The following RALYL variants were observed in gnomAD, a reference collection of about 807,000 sequenced individuals.
The protein encoded by RALYL is RNA-binding Raly-like protein.
Under a neutral mutation model 35.1 loss-of-function variants are expected in RALYL, and 29 were observed. The ratio of observed to expected loss-of-function variants is 0.83; its 90% CI spans 0.61 to 1.13. RALYL has a LOEUF of 1.13. Ranked by LOEUF, RALYL falls within the 50% of genes most tolerant of loss-of-function variation. The pLI is 0.00. For missense variants in RALYL, 359 were observed against 360.4 expected, an observed-to-expected ratio of 1.00 and a Z score of 0.03; for synonymous variants, 120 against 127.6, an observed-to-expected ratio of 0.94 and a Z score of 0.40.
At chr8:84,655,508 T>C (rs761110149) in intron 2 of RALYL, among the ~76,000 whole-genome samples, 1 of 152,108 alleles carries the variant, frequency 6.6e-6, no homozygotes, top group Non-Finnish European at 1.5e-5. Flanking sequence ...GTTGTATTTT[T>C]AGTAGAGACG....
At chr8:84,253,158 T>A (rs1443226446) in intron 1 of RALYL, among the ~76,000 whole-genome samples, 1 of 150,484 alleles carries the variant, frequency 6.6e-6, no homozygotes, top group African/African-American at 2.4e-5. Flanking sequence ...TGTGTATGTG[T>A]CTGTGTGTAG....
intron 2 of RALYL, among the ~76,000 whole-genome samples, chr8:84,744,115 AT>A (rs1336247285): frequency 6.6e-6 from 1 of 152,062 alleles, no homozygotes; most frequent in Non-Finnish European, 1.5e-5. Flanking sequence ...TTTGGCAACA[AT>A]TTTTAAAAAA....
intron 2 of RALYL, among the ~76,000 whole-genome samples, chr8:84,596,729 C>G (rs900759700): frequency 6.6e-6 from 1 of 152,072 alleles, no homozygotes; most frequent in Non-Finnish European, 1.5e-5. Flanking sequence ...TCTCAACTCT[C>G]CTGGATAATT....
chr8:84,410,809 T>G (rs1226244393), intron 1 of RALYL, among the ~76,000 whole-genome samples: 1 of 151,684 alleles, frequency 6.6e-6, no homozygotes, highest in Non-Finnish European at 1.5e-5. Context: ...TTACCCCAAA[T>G]TTAAGTTGGA....
intron 1 of RALYL, among the ~76,000 whole-genome samples, chr8:84,371,761 CT>C (rs1855773196): frequency 6.6e-6 from 1 of 151,918 alleles, no homozygotes; most frequent in Admixed American, 6.6e-5. Flanking sequence ...AAGATAAATC[CT>C]TTGAAGATAA....
At chr8:84,514,615 G>C (rs1318776047) in intron 1 of RALYL, among the ~76,000 whole-genome samples, 2 of 152,106 alleles carry the variant, frequency 1.3e-5, no homozygotes. Flanking sequence ...CCATTCATGA[G>C]AGCTCTGCCT....
At chr8:84,878,288 A>C (rs1841546463) in intron 7 of RALYL, among the ~76,000 whole-genome samples, 1 of 152,108 alleles carries the variant, frequency 6.6e-6, no homozygotes, top group Non-Finnish European at 1.5e-5. Flanking sequence ...TACTGTAGAA[A>C]TGCCCACCTT....
intron 2 of RALYL, among the ~76,000 whole-genome samples, chr8:84,693,809 A>G (rs1455722700): frequency 6.6e-6 from 1 of 152,002 alleles, no homozygotes; most frequent in Non-Finnish European, 1.5e-5. Context: ...GAATCATTCA[A>G]ATATGTAAAT....
intron 1 of RALYL, among the ~76,000 whole-genome samples, chr8:84,356,114 G>A (rs1851785748): frequency 6.7e-6 from 1 of 150,112 alleles, no homozygotes; most frequent in Non-Finnish European, 1.5e-5. Context: ...TGCCATAACT[G>A]TAAGTTTCCT....
In RALYL at chr8:84,610,761, A is replaced by G. The variant is rs113538245; in HGVS notation, c.256+81184A>G. Among the ~76,000 whole-genome samples, 96 of 152,224 alleles carry G rather than the reference A, an allele frequency of 6.3e-4. 1 individual carries two copies. The highest frequency in any genetic ancestry group is 8.7e-4 in the Non-Finnish European group (59 of 67,998). ...TGGGTATTTGTTTTATTTGGGGGTT[A>G]TTAGCCATGATATATTTTACTTATT... is the stretch of plus-strand genomic sequence containing the variant. On this transcript the variant is annotated intron_variant, in intron 2 of 8. Transcript: ENST00000521268.
chr8:84,401,193 A>C (rs1190308318), intron 1 of RALYL, among the ~76,000 whole-genome samples: 1 of 152,152 alleles, frequency 6.6e-6, no homozygotes, highest in Non-Finnish European at 1.5e-5. Flanking sequence ...TTATCTGATC[A>C]TTCTTTCTAC....
chr8:84,543,020 A>G (rs1040528197), intron 2 of RALYL, among the ~76,000 whole-genome samples: 16 of 152,186 alleles, frequency 1.1e-4, no homozygotes, highest in Non-Finnish European at 1.9e-4. Flanking sequence ...TTTGTCCTAT[A>G]TAATTGTACA....
chr8:84,452,322 C>A (rs542960637), intron 1 of RALYL, among the ~76,000 whole-genome samples: 62 of 150,918 alleles, frequency 4.1e-4, no homozygotes, highest in African/African-American at 1.2e-3. Context: ...GCTTTAGATT[C>A]ATAATTCATT....
At chr8:84,920,398 G>A (rs146331425) in intron 8 of RALYL, among the ~76,000 whole-genome samples, 84 of 152,156 alleles carry the variant, frequency 5.5e-4, no homozygotes, top group African/African-American at 1.9e-3. Flanking sequence ...CAATGTTTCT[G>A]ATTTTCTTCT....
At chr8:84,530,152 TC>T (rs1166775414) in intron 2 of RALYL, among the ~76,000 whole-genome samples, 1 of 152,102 alleles carries the variant, frequency 6.6e-6, no homozygotes, top group Non-Finnish European at 1.5e-5. Flanking sequence ...ATAGTTTTTT[TC>T]AAAGAAAGGA....
intron 2 of RALYL, 124 bp downstream of exon 2, chr8:84,529,701 TTTA>T: frequency 1.5e-6 from 1 of 685,270 alleles, no homozygotes; most frequent in Non-Finnish European, 2.2e-6. Context: ...TGATTTTATA[TTTA>T]TTATTTATAT....
chr8:84,252,596 G>A (rs193206530), intron 1 of RALYL, among the ~76,000 whole-genome samples: 1 of 152,166 alleles, frequency 6.6e-6, no homozygotes, highest in Admixed American at 6.5e-5. Context: ...GCCATTTAGG[G>A]TCACAGATAG....
intron 1 of RALYL, among the ~76,000 whole-genome samples, chr8:84,513,582 G>A (rs1328084249): frequency 6.6e-6 from 1 of 151,978 alleles, no homozygotes; most frequent in East Asian, 1.9e-4. Flanking sequence ...AAATCCATTG[G>A]AATGGACTTT....
At chr8:84,683,358 C>G (rs1399885219) in intron 2 of RALYL, among the ~76,000 whole-genome samples, 2 of 152,138 alleles carry the variant, frequency 1.3e-5, no homozygotes, top group African/African-American at 4.8e-5. Flanking sequence ...TCTATTAGGT[C>G]TGCTTGGTGC....
Sources: gnomAD v4.1 joint callset for allele counts (sites outside exome capture counted in the v4.1 genomes callset) on GRCh38, gnomAD v4.1.1 for gene constraint, MANE v1.5 for transcripts, NCBI Gene and HGNC (gene_info 2026-07-23, HGNC 2026-07-21) for gene names.